The following MARCHF6 variants were observed in gnomAD, a reference collection of about 807,000 sequenced individuals.
MARCHF6 encodes E3 ubiquitin-protein ligase MARCHF6.
A neutral mutation model predicts 133.7 loss-of-function variants in MARCHF6; 31 were observed. The observed-to-expected ratio is 0.23, with a 90% CI of 0.17 to 0.31. The LOEUF is 0.31. MARCHF6 is among the 10% of genes least tolerant of loss of function. MARCHF6 has a pLI of 1.00. For synonymous variants in MARCHF6, 395 were observed against 402.5 expected, an observed-to-expected ratio of 0.98 and a Z score of 0.22; for missense variants, 723 against 1,121.6, an observed-to-expected ratio of 0.64 and a Z score of 5.08.
chr5:10,417,073 C>T (rs1200711851), intron 21 of MARCHF6, among the ~76,000 whole-genome samples, 197 bp from the exon 22 acceptor site: 1 of 152,212 alleles, frequency 6.6e-6, no homozygotes, highest in Non-Finnish European at 1.5e-5. Context: ...GAGAAAAAAA[C>T]AGCCCAGCCA....
chr5:10,370,250 G>A (rs1049605284), intron 1 of MARCHF6, among the ~76,000 whole-genome samples: 3 of 151,430 alleles, frequency 2.0e-5, no homozygotes, highest in South Asian at 2.1e-4. Context: ...ACAAGCAGAC[G>A]CCATCATACC....
chr5:10,354,063 G>A (rs1226329320), intron 1 of MARCHF6, 146 bp downstream of exon 1: 5 of 759,112 alleles, frequency 6.6e-6, no homozygotes, highest in Non-Finnish European at 7.5e-6. Flanking sequence ...CCTCTGGGCC[G>A]GGGAGCGGAA....
intron 22 of MARCHF6, 164 bp downstream of exon 22, chr5:10,417,568 A>T: frequency 1.3e-6 from 1 of 792,112 alleles, no homozygotes; most frequent in Admixed American, 2.8e-5. Flanking sequence ...CAGCATGGCA[A>T]GACCTAGTCT....
At chr5:10,382,019 A>T (rs1258303143) in intron 4 of MARCHF6, 76 bp downstream of exon 4, 1 of 1,356,950 alleles carries the variant, frequency 7.4e-7, no homozygotes, top group Non-Finnish European at 1.0e-6. Context: ...ATATTGCATC[A>T]TATTATTATT....
chr5:10,402,400 T>G lies in MARCHF6; in HGVS notation c.1070T>G (p.Val357Gly). Reference protein sequence around the residue: ...LIICHGLATLVKFHRSRRLLG... With the variant: ...LIICHGLATLGKFHRSRRLLG... ...ATGCTGTAGGGCTTGGCAACTCTTG[T>G]GAAATTTCATAGATCTCGTCGCTTA... Residue 357 changes from valine (V) to glycine (G), a missense_variant, in exon 13 of 26, where the codon GTG becomes GGG. Val to Gly is a moderately radical substitution (Grantham distance 109, BLOSUM62 -3). Around this residue, in one of 4 missense-constraint regions of MARCHF6, gnomAD observed 492 missense variants for 699.5 expected, o/e 0.70. Coordinates refer to ENST00000274140, the MANE Select transcript of MARCHF6 (RefSeq NM_005885.4). 6.2e-7 allele frequency: 1 copy of G among 1,614,022 alleles called. No individual in the cohort carries two copies.
chr5:10,415,333 C>A, intron 20 of MARCHF6, 155 bp from the exon 21 acceptor site: 1 of 687,578 alleles, frequency 1.5e-6, no homozygotes, highest in Non-Finnish European at 2.5e-6. Context: ...ACTCTTTAGA[C>A]ATTGTGATTT....
chr5:10,388,934 T>C (rs979988964), intron 5 of MARCHF6, among the ~76,000 whole-genome samples: 1 of 152,190 alleles, frequency 6.6e-6, no homozygotes, highest in African/African-American at 2.4e-5. Flanking sequence ...GATATTTTGG[T>C]CCCAACCTTT....
chr5:10,397,373 A>G (rs1185370890), intron 10 of MARCHF6, 29 bp downstream of exon 10: 8 of 1,400,238 alleles, frequency 5.7e-6, no homozygotes, highest in East Asian at 2.4e-5. Flanking sequence ...TTTTTTTTTT[A>G]TAGTATTATG....
intron 1 of MARCHF6, among the ~76,000 whole-genome samples, chr5:10,372,946 A>G (rs1736555363): frequency 6.6e-6 from 1 of 151,978 alleles, no homozygotes; most frequent in East Asian, 1.9e-4. Flanking sequence ...CTGTAATCCT[A>G]GTGCTTTGGG....
chr5:10,410,219 C>A lies in MARCHF6; in HGVS notation c.1634C>A (p.Thr545Lys), dbSNP rs751876922. 6.2e-7 allele frequency: 1 copy of A among 1,613,748 alleles called. No homozygotes were observed. Among genetic ancestry groups the A allele is most frequent in the Non-Finnish European group, 8.5e-7 (1 of 1,180,024 alleles). Residue 545 changes from threonine (T) to lysine (K), a missense_variant, in exon 18 of 26, where the codon ACG (threonine) becomes AAG (lysine). Physicochemically the swap from Thr to Lys is moderately conservative, Grantham distance 78. Coordinates refer to ENST00000274140, the MANE Select transcript of MARCHF6 (RefSeq NM_005885.4). ...VLPALLEQGH[T>K]RQWLKGLVRA... Reference sequence around the variant, plus strand: ...CCAGCATTACTCGAACAGGGACACACGAGGCAGTGGCTGAAGGGGCTGGTG... The same window carrying A: ...CCAGCATTACTCGAACAGGGACACAAGAGGCAGTGGCTGAAGGGGCTGGTG...
At chr5:10,428,341 T>G (rs983806117) in intron 24 of MARCHF6, among the ~76,000 whole-genome samples, 1 of 140,382 alleles carries the variant, frequency 7.1e-6, no homozygotes, top group Non-Finnish European at 1.5e-5. Context: ...GTTTTTTTTT[T>G]TTTTTTTTTT....
chr5:10,412,174 T>G (rs1739267269), intron 19 of MARCHF6, among the ~76,000 whole-genome samples: 1 of 152,244 alleles, frequency 6.6e-6, no homozygotes, highest in Admixed American at 6.5e-5. Flanking sequence ...ATAGTCATTA[T>G]TATACCTTTG....
At chr5:10,406,348 T>G (rs146216675) in intron 16 of MARCHF6, among the ~76,000 whole-genome samples, 225 of 152,194 alleles carry the variant, frequency 1.5e-3, no homozygotes, top group African/African-American at 5.2e-3. Flanking sequence ...TGTCAAAGTT[T>G]CCCCACCCAG....
At chr5:10,379,364 A>T (rs757981567) in intron 3 of MARCHF6, among the ~76,000 whole-genome samples, 8 of 152,178 alleles carry the variant, frequency 5.3e-5, no homozygotes, top group Non-Finnish European at 1.2e-4. Context: ...ATAAACAATG[A>T]TGCCTTGATT....
In MARCHF6 at chr5:10,391,584, C is replaced by G. The variant is rs1262033594; in HGVS notation, c.619C>G (p.Gln207Glu). The change falls in exon 7 of 26, where the codon CAG becomes GAG. Residue 207 changes from glutamine to glutamate, a missense_variant. Physicochemically the swap from Gln to Glu is conservative, Grantham distance 29. This residue lies in a region of MARCHF6 where 97 missense variants were observed against 115.4 expected (regional missense o/e 0.84). Transcript: ENST00000274140. ...TGGTGCAGAAAATGTTGCTGCTGATCAGCCTGCTAACCCACCAGCTGAGAA... is the reference window on the plus strand; with the variant it reads ...TGGTGCAGAAAATGTTGCTGCTGATGAGCCTGCTAACCCACCAGCTGAGAA... ...GNGAENVAAD[Q>E]PANPPAENAV... 6.2e-7 allele frequency: 1 copy of G among 1,612,286 alleles called. No homozygotes were observed. The highest frequency in any genetic ancestry group is 8.5e-7 in the Non-Finnish European group (1 of 1,179,282).
In MARCHF6 at chr5:10,390,467, A is replaced by T. The variant is rs1381887835; in HGVS notation, c.543A>T (p.Pro181=). 1 of 1,614,038 alleles carries T rather than the reference A, an allele frequency of 6.2e-7. No homozygotes were observed. The highest frequency in any genetic ancestry group is 8.5e-7 in the Non-Finnish European group (1 of 1,179,988). ...GAPIWLEHAA[P]PFNAAGHHQN... is the part of the protein sequence containing the mutation. ...CAATTTGGTTGGAGCATGCTGCCCC[A>T]CCGTTCAATGCTGCGGGGCATCACC... Residue 181 remains proline (P), a synonymous_variant, in exon 6 of 26, where the codon CCA becomes CCT. Coordinates refer to ENST00000274140, the MANE Select transcript of MARCHF6 (RefSeq NM_005885.4).
chr5:10,413,630 A>G (rs1739349375), intron 19 of MARCHF6, among the ~76,000 whole-genome samples: 2 of 152,254 alleles, frequency 1.3e-5, no homozygotes, highest in Admixed American at 1.3e-4. Context: ...TAGCATTCAC[A>G]TGGCTGGGGA....
chr5:10,407,960 C>CCA (rs1287379986), intron 17 of MARCHF6, among the ~76,000 whole-genome samples: 5 of 141,736 alleles, frequency 3.5e-5, no homozygotes, highest in African/African-American at 1.0e-4. Flanking sequence ...GCATCCCCCC[C>CCA]CCCCCAAAAA....
chr5:10,422,617 G>A (rs1409468314), intron 22 of MARCHF6, among the ~76,000 whole-genome samples: 2 of 152,072 alleles, frequency 1.3e-5, no homozygotes, highest in Admixed American at 6.5e-5. Flanking sequence ...TCACCTATCA[G>A]GGTGAAGATT....
Sources: gnomAD v4.1 joint callset for allele counts (sites outside exome capture counted in the v4.1 genomes callset) on GRCh38, gnomAD v4.1.1 for gene constraint, gnomAD v4.1.1 regional missense constraint, MANE v1.5 for transcripts, NCBI Gene and HGNC (gene_info 2026-07-23, HGNC 2026-07-21) for gene names.